The following SSBP2 variants were observed in gnomAD, a reference collection of about 807,000 sequenced individuals.
The protein encoded by SSBP2 is single stranded DNA binding protein 2, also known as single-stranded DNA-binding protein 2.
A neutral mutation model predicts 61.8 loss-of-function variants in SSBP2; 17 were observed. That is an observed-to-expected ratio of 0.28 (90% CI 0.19 to 0.41). The LOEUF (loss-of-function observed/expected upper bound fraction) is 0.41. Among genes scored for constraint, SSBP2 ranks in the 10% least tolerant of loss-of-function variants. The probability of loss-of-function intolerance (pLI) is 1.00; values close to 1 mark genes in which losing one functional copy is unlikely to be tolerated. For missense variants in SSBP2, 310 were observed against 458.7 expected, an observed-to-expected ratio of 0.68 and a Z score of 2.96; for synonymous variants, 139 against 141.3, an observed-to-expected ratio of 0.98 and a Z score of 0.12.
At chr5:81,669,434 T>A (rs1376786003) in intron 1 of SSBP2, among the ~76,000 whole-genome samples, 1 of 152,136 alleles carries the variant, frequency 6.6e-6, no homozygotes, top group African/African-American at 2.4e-5. Flanking sequence ...ATGATTTCAG[T>A]AGGTGAATGG....
At chr5:81,750,918 G>A (rs368700047) in intron 1 of SSBP2, 63 bp downstream of exon 1, 118 of 1,518,380 alleles carry the variant, frequency 7.8e-5, no homozygotes, top group Middle Eastern at 1.7e-4. Context: ...CAGAGTGTGC[G>A]AGTGCGTGCG....
chr5:81,601,771 T>G (rs1014726253), intron 4 of SSBP2, among the ~76,000 whole-genome samples: 1 of 152,098 alleles, frequency 6.6e-6, no homozygotes, highest in African/African-American at 2.4e-5. Context: ...AAGTCCAGGA[T>G]CTAATCACCT....
chr5:81,622,207 A>G (rs34365981), intron 3 of SSBP2, among the ~76,000 whole-genome samples: 26,641 of 151,748 alleles, frequency 0.18, 2,446 homozygotes, highest in Non-Finnish European at 0.21. Flanking sequence ...ACTGGGGGGG[A>G]AAAATTATGC....
chr5:81,430,467 G>A (rs953620484), intron 15 of SSBP2, among the ~76,000 whole-genome samples: 8 of 152,120 alleles, frequency 5.3e-5, no homozygotes, highest in South Asian at 2.1e-4. Flanking sequence ...GAGAAGCAGC[G>A]TATCTCAGAC....
intron 4 of SSBP2, among the ~76,000 whole-genome samples, chr5:81,578,168 T>C (rs1774375689): frequency 6.6e-6 from 1 of 152,060 alleles, no homozygotes; most frequent in Non-Finnish European, 1.5e-5. Context: ...TAGATTCATA[T>C]TTTCCTTTAA....
intron 15 of SSBP2, among the ~76,000 whole-genome samples, chr5:81,436,768 T>C (rs949374486): frequency 2.6e-5 from 4 of 152,136 alleles, no homozygotes; most frequent in Non-Finnish European, 4.4e-5. Flanking sequence ...TTTAAATTCA[T>C]CATGACCTAA....
chr5:81,602,499 G>T (rs1744462961), intron 4 of SSBP2, among the ~76,000 whole-genome samples: 1 of 152,034 alleles, frequency 6.6e-6, no homozygotes, highest in Non-Finnish European at 1.5e-5. Context: ...TACTTGGATG[G>T]CCTTTTGTGT....
At chr5:81,514,186 T>C (rs1242372288) in intron 4 of SSBP2, among the ~76,000 whole-genome samples, 1 of 152,084 alleles carries the variant, frequency 6.6e-6, no homozygotes, top group African/African-American at 2.4e-5. Context: ...TATAATTAAA[T>C]TTCCTGCCTA....
intron 1 of SSBP2, among the ~76,000 whole-genome samples, chr5:81,668,274 C>T: frequency 1.6e-5 from 1 of 61,710 alleles, no homozygotes. Context: ...AAAAAAAAAA[C>T]AGGAAAAAGG....
chr5:81,657,686 T>C (rs926463524), intron 1 of SSBP2, among the ~76,000 whole-genome samples: 3 of 152,182 alleles, frequency 2.0e-5, no homozygotes, highest in African/African-American at 4.8e-5. Context: ...ACAATCATAA[T>C]GGTAGCTTTA....
intron 10 of SSBP2, among the ~76,000 whole-genome samples, chr5:81,460,780 G>T (rs1329670732): frequency 1.3e-5 from 2 of 151,912 alleles, no homozygotes; most frequent in Non-Finnish European, 2.9e-5. Flanking sequence ...GGCTATTGTA[G>T]TATATACTTA....
chr5:81,740,846 G>A lies in SSBP2; in HGVS notation c.62+10135C>T, dbSNP rs141308845. On this transcript the variant is annotated intron_variant, in intron 1 of 16. Coordinates refer to ENST00000320672, the MANE Select transcript of SSBP2 (RefSeq NM_012446.5). Reference sequence around the variant, plus strand: ...TAAAGAATTTGTAGCTATCTGTGGGGCACTTTTGGTACCTATAATACTATC... The same window carrying A: ...TAAAGAATTTGTAGCTATCTGTGGGACACTTTTGGTACCTATAATACTATC... Among the ~76,000 whole-genome samples, 2 of 152,248 alleles carry A rather than the reference G, an allele frequency of 1.3e-5. 1 individual carries two copies. The highest frequency in any genetic ancestry group is 2.9e-5 in the Non-Finnish European group (2 of 68,022).
chr5:81,583,829 C>T (rs1774868224), intron 4 of SSBP2, among the ~76,000 whole-genome samples: 1 of 152,178 alleles, frequency 6.6e-6, no homozygotes, highest in African/African-American at 2.4e-5. Context: ...ATGCCAATGT[C>T]ATTCCAGAAA....
intron 3 of SSBP2, among the ~76,000 whole-genome samples, chr5:81,624,383 A>G (rs1416460542): frequency 1.3e-5 from 2 of 152,208 alleles, no homozygotes; most frequent in African/African-American, 2.4e-5. Context: ...AAGGTTGAGT[A>G]TCCCTTATCT....
intron 6 of SSBP2, among the ~76,000 whole-genome samples, chr5:81,481,387 C>T (rs1227780668): frequency 1.3e-5 from 2 of 151,864 alleles, no homozygotes; most frequent in Admixed American, 6.6e-5. Flanking sequence ...TTTGGGAGGC[C>T]GAGGGGGGTG....
chr5:81,653,314 A>G (rs1581258312), intron 1 of SSBP2, among the ~76,000 whole-genome samples: 2 of 152,312 alleles, frequency 1.3e-5, no homozygotes, highest in Non-Finnish European at 2.9e-5. Flanking sequence ...TCCACAGTGT[A>G]TATGTGCCAC....
intron 1 of SSBP2, among the ~76,000 whole-genome samples, chr5:81,750,305 C>G (rs984755826): frequency 1.4e-5 from 2 of 147,876 alleles, no homozygotes; most frequent in African/African-American, 4.9e-5. Flanking sequence ...GCGCCGCGTC[C>G]GTAGCTGGCC....
At chr5:81,588,111 G>A (rs1342976051) in intron 4 of SSBP2, among the ~76,000 whole-genome samples, 1 of 151,818 alleles carries the variant, frequency 6.6e-6, no homozygotes, top group African/African-American at 2.4e-5. Context: ...GATTACAAGT[G>A]TATGCCACCA....
At chr5:81,732,149 A>T (rs1419220152) in intron 1 of SSBP2, among the ~76,000 whole-genome samples, 2 of 152,178 alleles carry the variant, frequency 1.3e-5, no homozygotes, top group Non-Finnish European at 2.9e-5. Context: ...TTCAGAAACT[A>T]AAATATGCAA....
Sources: gnomAD v4.1 joint callset for allele counts (sites outside exome capture counted in the v4.1 genomes callset) on GRCh38, gnomAD v4.1.1 for gene constraint, MANE v1.5 for transcripts, NCBI Gene and HGNC (gene_info 2026-07-23, HGNC 2026-07-21) for gene names.